MYT1L: variants seen among roughly 807,000 people sequenced by gnomAD.
MYT1L encodes myelin transcription factor 1-like protein.
Under a neutral mutation model 126.7 loss-of-function variants are expected in MYT1L, and 12 were observed. The ratio of observed to expected loss-of-function variants is 0.09; its 90% confidence interval spans 0.06 to 0.15. The LOEUF is 0.15. MYT1L is among the 10% of genes least tolerant of loss of function. MYT1L has a pLI of 1.00. For synonymous variants in MYT1L, 541 were observed against 604.2 expected, an observed-to-expected ratio of 0.90 and a Z score of 1.53; for missense variants, 979 against 1,585.2, an observed-to-expected ratio of 0.62 and a Z score of 6.49.
chr2:2,163,589 G>A (rs1322497717), intron 3 of MYT1L, among the ~76,000 whole-genome samples: 7 of 151,792 alleles, frequency 4.6e-5, no homozygotes, highest in African/African-American at 4.8e-5. Context: ...AAAATTAGCG[G>A]GGTGCGGTGG....
At chr2:2,191,547 C>A (rs1028971614) in intron 2 of MYT1L, among the ~76,000 whole-genome samples, 1 of 152,178 alleles carries the variant, frequency 6.6e-6, no homozygotes, top group Admixed American at 6.6e-5. Flanking sequence ...CCTTTCACAT[C>A]CCCAGGGGAA....
At position 1,979,141 on chromosome 2, in the gene MYT1L, T is replaced by G. The variant is rs1558611602; in HGVS notation, c.152+24A>C. The G allele has an allele frequency of 6.3e-7, 1 of 1,591,830 alleles. No homozygotes were observed. Among genetic ancestry groups the G allele is most frequent in the East Asian group, 2.2e-5 (1 of 44,608 alleles). On this transcript the variant is annotated intron_variant, in intron 8 of 24. Coordinates refer to ENST00000647738, the MANE Select transcript of MYT1L (RefSeq NM_001303052.2). The surrounding 1 kb of genome is among the most constrained non-coding windows in gnomAD (Gnocchi z 4.0). ...ATAAGTCACTTTAGACAGCACATTGTGGAAAAAAAAATGCAGGCATTACCT... is the reference window on the plus strand; with the variant it reads ...ATAAGTCACTTTAGACAGCACATTGGGGAAAAAAAAATGCAGGCATTACCT...
intron 4 of MYT1L, among the ~76,000 whole-genome samples, chr2:2,012,393 C>A (rs114441794): frequency 2.4e-3 from 363 of 152,262 alleles, no homozygotes; most frequent in African/African-American, 8.2e-3. Context: ...ATTCCATTTA[C>A]ATAACAAGTG....
At chr2:2,045,845 CTA>C (rs952002525) in intron 4 of MYT1L, among the ~76,000 whole-genome samples, 1 of 152,144 alleles carries the variant, frequency 6.6e-6, no homozygotes, top group Non-Finnish European at 1.5e-5. Flanking sequence ...CCTGGTGTCC[CTA>C]TGTTTGCCAC....
intron 8 of MYT1L, among the ~76,000 whole-genome samples, chr2:1,954,633 CA>C (rs1338786228): frequency 5.9e-5 from 9 of 152,164 alleles, no homozygotes; most frequent in Non-Finnish European, 1.3e-4. Context: ...TTTCCACTGT[CA>C]GGGGTCCTCA....
At chr2:2,088,822 T>C (rs1425424316) in intron 3 of MYT1L, among the ~76,000 whole-genome samples, 2 of 152,292 alleles carry the variant, frequency 1.3e-5, no homozygotes, top group African/African-American at 2.4e-5. Context: ...TTGTATCCTA[T>C]TAAAAGCAAA....
At chr2:1,855,867 TA>T (rs571077681) in intron 18 of MYT1L, among the ~76,000 whole-genome samples, 42 of 148,766 alleles carry the variant, frequency 2.8e-4, no homozygotes, top group East Asian at 9.8e-4. Context: ...AAATAAAAAA[TA>T]AAAAAAAAGG....
At chr2:2,179,273 C>T (rs901792652) in intron 2 of MYT1L, among the ~76,000 whole-genome samples, 7 of 152,156 alleles carry the variant, frequency 4.6e-5, no homozygotes, top group Admixed American at 4.6e-4. Flanking sequence ...GAGGCAAATG[C>T]CCAGATAAAT....
At chr2:1,880,173 T>C (rs959983603) in intron 18 of MYT1L, among the ~76,000 whole-genome samples, 5 of 152,150 alleles carry the variant, frequency 3.3e-5, no homozygotes, top group Non-Finnish European at 7.3e-5. Context: ...ATCAATTTGG[T>C]CAAGAAGCCG....
chr2:2,005,405 G>A (rs369733253), intron 4 of MYT1L, among the ~76,000 whole-genome samples: 79 of 127,590 alleles, frequency 6.2e-4, no homozygotes, highest in African/African-American at 2.3e-3. Context: ...TCCTGCGTGC[G>A]TTCTTTCCTC....
At chr2:1,944,152 T>C (rs924156501) in intron 8 of MYT1L, among the ~76,000 whole-genome samples, 15 of 152,142 alleles carry the variant, frequency 9.9e-5, no homozygotes, top group Non-Finnish European at 2.1e-4. Flanking sequence ...GTGCACAACA[T>C]GCAGGTTTGT....
chr2:2,139,715 G>A (rs1312818743), intron 3 of MYT1L, among the ~76,000 whole-genome samples: 1 of 152,120 alleles, frequency 6.6e-6, no homozygotes, highest in African/African-American at 2.4e-5. Flanking sequence ...CACTGCACAA[G>A]AGGCAGTTCT....
At chr2:2,269,484 A>T (rs546365783) in intron 2 of MYT1L, among the ~76,000 whole-genome samples, 4 of 152,312 alleles carry the variant, frequency 2.6e-5, no homozygotes, top group Non-Finnish European at 5.9e-5. Flanking sequence ...TGAGTGCTTT[A>T]TATGCAGGCA....
intron 4 of MYT1L, among the ~76,000 whole-genome samples, chr2:2,038,232 C>G (rs2067108175): frequency 6.6e-6 from 1 of 152,210 alleles, no homozygotes; most frequent in African/African-American, 2.4e-5. Context: ...CTTTTTATCA[C>G]TATTATTTTA....
intron 3 of MYT1L, among the ~76,000 whole-genome samples, chr2:2,073,069 A>G (rs1395916427): frequency 2.6e-5 from 4 of 152,190 alleles, no homozygotes; most frequent in African/African-American, 9.6e-5. Context: ...TCATAAGGGC[A>G]CTAATGACAT....
chr2:1,974,229 C>A (rs1163220003), intron 8 of MYT1L, among the ~76,000 whole-genome samples: 1 of 152,200 alleles, frequency 6.6e-6, no homozygotes, highest in African/African-American at 2.4e-5. Flanking sequence ...GGCTGGACAC[C>A]AGGTTTGAGG....
chr2:2,277,570 G>A (rs2095382512), intron 2 of MYT1L, among the ~76,000 whole-genome samples: 1 of 152,210 alleles, frequency 6.6e-6, no homozygotes, highest in African/African-American at 2.4e-5. Flanking sequence ...AGTGAAAATG[G>A]ATTCTTTAGA....
At chr2:1,945,411 A>G (rs1258787293) in intron 8 of MYT1L, among the ~76,000 whole-genome samples, 3 of 152,084 alleles carry the variant, frequency 2.0e-5, no homozygotes, top group African/African-American at 7.2e-5. Flanking sequence ...CATGAGACAG[A>G]TGAGAGAGGC....
At chr2:1,861,913 T>C (rs1558191383) in intron 18 of MYT1L, among the ~76,000 whole-genome samples, 13 of 151,902 alleles carry the variant, frequency 8.6e-5, no homozygotes, top group Admixed American at 2.0e-4. Flanking sequence ...TGTGTAATCC[T>C]GGATCCTCCT....
Sources: gnomAD v4.1 joint callset for allele counts (sites outside exome capture counted in the v4.1 genomes callset) on GRCh38, gnomAD v4.1.1 for gene constraint, Gnocchi (gnomAD v3.1) non-coding constraint, MANE v1.5 for transcripts, NCBI Gene and HGNC (gene_info 2026-07-23, HGNC 2026-07-21) for gene names.